CSMD1: variants seen among roughly 807,000 people sequenced by gnomAD.
CSMD1 encodes the protein CUB and Sushi multiple domains 1.
A neutral mutation model predicts 417.5 loss-of-function variants in CSMD1; 213 were observed. That is an observed-to-expected ratio of 0.51 (90% CI 0.46 to 0.57). CSMD1 has a LOEUF of 0.57. Ranked by LOEUF, CSMD1 falls within the 20% of genes least tolerant of loss-of-function variation. The pLI, the probability that CSMD1 is intolerant of heterozygous loss-of-function variation, is 0.00. For missense variants in CSMD1, 6,923 were observed against 4,529.7 expected, an observed-to-expected ratio of 1.53 and a Z score of -15.17; for synonymous variants, 2,862 against 1,736.8, an observed-to-expected ratio of 1.65 and a Z score of -16.11.
At chr8:3,774,874 G>A (rs890670118) in intron 5 of CSMD1, among the ~76,000 whole-genome samples, 2 of 152,118 alleles carry the variant, frequency 1.3e-5, no homozygotes, top group African/African-American at 2.4e-5. Context: ...CACACAGAGT[G>A]CTGAGCCCAT....
intron 1 of CSMD1, among the ~76,000 whole-genome samples, chr8:4,748,705 A>G (rs2117038325): frequency 6.6e-6 from 1 of 152,332 alleles, no homozygotes; most frequent in East Asian, 1.9e-4. Flanking sequence ...CCCACACCTG[A>G]GTTGCAGATA....
chr8:4,510,355 T>A (rs978990629), intron 2 of CSMD1, among the ~76,000 whole-genome samples: 2 of 138,814 alleles, frequency 1.4e-5, no homozygotes, highest in Admixed American at 1.5e-4. Flanking sequence ...CAGGTATTCT[T>A]ATATTTTTTG....
rs1036978513 is a variant in CSMD1 at position 4,023,111 on chromosome 8, T to C, written c.610+8794A>G. On this transcript the variant is annotated intron_variant, in intron 4 of 69. Transcript: ENST00000635120. The stretch of plus-strand genomic sequence containing the variant: ...GTTGAGCTTCAGCTAATGCAGTGGA[T>C]GTACAGGAGATGCACTCTAATGTGT... Among the ~76,000 whole-genome samples the C allele has an allele frequency of 2.0e-4, 30 of 152,156 alleles. 1 individual carries two copies. Among genetic ancestry groups the C allele is most frequent in the Non-Finnish European group, 1.5e-5 (1 of 68,022 alleles).
At chr8:4,186,495 G>A (rs1177951720) in intron 3 of CSMD1, among the ~76,000 whole-genome samples, 1 of 152,030 alleles carries the variant, frequency 6.6e-6, no homozygotes, top group South Asian at 2.1e-4. Flanking sequence ...AAATAAATAA[G>A]ATGGAATTTA....
intron 3 of CSMD1, among the ~76,000 whole-genome samples, chr8:4,294,327 C>T (rs568478289): frequency 6.6e-6 from 1 of 152,234 alleles, no homozygotes; most frequent in Non-Finnish European, 1.5e-5. Context: ...CGTGCACTGA[C>T]GGTTTTCAAA....
intron 3 of CSMD1, among the ~76,000 whole-genome samples, chr8:4,127,922 G>A (rs1031896471): frequency 1.3e-5 from 2 of 152,190 alleles, no homozygotes; most frequent in Non-Finnish European, 2.9e-5. Flanking sequence ...TGACTCCAGA[G>A]CATGCACAGT....
intron 5 of CSMD1, among the ~76,000 whole-genome samples, chr8:3,891,547 G>A (rs989948849): frequency 6.6e-6 from 1 of 151,962 alleles, no homozygotes; most frequent in Non-Finnish European, 1.5e-5. Flanking sequence ...GCCAATAGTG[G>A]GGGTGTACAC....
intron 1 of CSMD1, among the ~76,000 whole-genome samples, chr8:4,872,018 C>G (rs1802764692): frequency 6.6e-6 from 1 of 152,128 alleles, no homozygotes; most frequent in Admixed American, 6.5e-5. Context: ...TGATCATTTG[C>G]AAAATCCTCA....
At chr8:4,273,295 TATA>T (rs1404134928) in intron 3 of CSMD1, among the ~76,000 whole-genome samples, 1 of 152,182 alleles carries the variant, frequency 6.6e-6, no homozygotes, top group East Asian at 1.9e-4. Flanking sequence ...AGTATATGTA[TATA>T]ATTTTTCCAG....
chr8:4,440,294 A>C (rs996331735), intron 2 of CSMD1, among the ~76,000 whole-genome samples: 1 of 152,206 alleles, frequency 6.6e-6, no homozygotes, highest in East Asian at 1.9e-4. Flanking sequence ...TACTATAACC[A>C]GAAAAATGGA....
chr8:4,009,729 A>G (rs773637024), intron 4 of CSMD1, among the ~76,000 whole-genome samples: 9 of 151,974 alleles, frequency 5.9e-5, no homozygotes, highest in Non-Finnish European at 8.8e-5. Context: ...GGATGTACCT[A>G]CCTCCACAGG....
At chr8:4,506,636 G>T (rs1348114509) in intron 2 of CSMD1, among the ~76,000 whole-genome samples, 1 of 152,098 alleles carries the variant, frequency 6.6e-6, no homozygotes, top group East Asian at 1.9e-4. Context: ...AAACAACCTT[G>T]TTTTACATAA....
chr8:3,885,010 G>C (rs1806461905), intron 5 of CSMD1, among the ~76,000 whole-genome samples: 1 of 150,996 alleles, frequency 6.6e-6, no homozygotes. Context: ...AAATGAGTAA[G>C]CTCTGAAATA....
intron 26 of CSMD1, among the ~76,000 whole-genome samples, chr8:3,263,757 T>A (rs919494808): frequency 6.6e-6 from 1 of 152,218 alleles, no homozygotes; most frequent in Admixed American, 6.5e-5. Context: ...TAAAGTCAAC[T>A]AACTTTCTTT....
chr8:3,520,645 C>T (rs1165119088), intron 10 of CSMD1, among the ~76,000 whole-genome samples: 7 of 152,070 alleles, frequency 4.6e-5, no homozygotes, highest in Non-Finnish European at 1.0e-4. Flanking sequence ...TCACCTGCAT[C>T]TCCGGGTCCT....
chr8:4,850,697 G>A (rs753080100), intron 1 of CSMD1, among the ~76,000 whole-genome samples: 2 of 151,768 alleles, frequency 1.3e-5, no homozygotes, highest in African/African-American at 2.4e-5. Flanking sequence ...TCTCTCTCTG[G>A]ATGAAGTGCA....
At chr8:3,980,716 GAAGT>G (rs2130176708) in intron 5 of CSMD1, among the ~76,000 whole-genome samples, 1 of 152,292 alleles carries the variant, frequency 6.6e-6, no homozygotes, top group South Asian at 2.1e-4. Flanking sequence ...GATGTGACAA[GAAGT>G]AAGAAGCCCC....
At chr8:3,019,000 C>A (rs1278515322) in intron 51 of CSMD1, among the ~76,000 whole-genome samples, 1 of 152,192 alleles carries the variant, frequency 6.6e-6, no homozygotes, top group Non-Finnish European at 1.5e-5. Context: ...TCACTGCTAC[C>A]TCTACCTCCC....
chr8:3,862,717 C>A (rs1365764278), intron 5 of CSMD1, among the ~76,000 whole-genome samples: 2 of 152,122 alleles, frequency 1.3e-5, no homozygotes, highest in Non-Finnish European at 2.9e-5. Flanking sequence ...TCCAAAACAA[C>A]TGAGTAAGGG....
Sources: allele counts gnomAD v4.1 joint callset (sites outside exome capture counted in the v4.1 genomes callset), GRCh38; gene constraint gnomAD v4.1.1; transcripts MANE v1.5; gene names NCBI Gene and HGNC (gene_info 2026-07-23, HGNC 2026-07-21).